The following NXN variants were observed in gnomAD, a reference collection of about 807,000 sequenced individuals.
The protein encoded by NXN is nucleoredoxin, also known as nucleoredoxin 1.
In NXN, 16 loss-of-function variants were observed where a neutral mutation model predicts 48.6. The observed-to-expected ratio is 0.33, with a 90% CI of 0.22 to 0.50. The LOEUF is 0.50. Among genes scored for constraint, NXN ranks in the 20% least tolerant of loss-of-function variants. The pLI is 0.98. For synonymous variants in NXN, 281 were observed against 269.6 expected (o/e 1.04, Z -0.41); for missense variants, 492 against 605.5 (o/e 0.81, Z 1.97).
intron 1 of NXN, among the ~76,000 whole-genome samples, chr17:964,602 A>G (rs2069280581): frequency 6.6e-6 from 1 of 152,242 alleles, no homozygotes. Flanking sequence ...GAAGGCATTT[A>G]CTTCCAATTC....
chr17:869,685 G>A (rs762943061), intron 1 of NXN, among the ~76,000 whole-genome samples: 2 of 152,258 alleles, frequency 1.3e-5, no homozygotes, highest in African/African-American at 2.4e-5. Flanking sequence ...GCCCAGTTCT[G>A]TAAGTTCCCT....
At chr17:801,268 C>A in intron 7 of NXN, 137 bp from the exon 8 acceptor site, 1 of 569,714 alleles carries the variant, frequency 1.8e-6, no homozygotes, top group Non-Finnish European at 2.7e-6. Flanking sequence ...GGGCTCCCAG[C>A]CTGGGAAGGA....
chr17:861,705 C>T (rs898236931), intron 1 of NXN, among the ~76,000 whole-genome samples: 14 of 151,474 alleles, frequency 9.2e-5, no homozygotes, highest in African/African-American at 3.4e-4. Context: ...CTCCTACTTA[C>T]CAAATTTGGG....
At chr17:813,764 T>A (rs774573049) in intron 5 of NXN, among the ~76,000 whole-genome samples, 1 of 144,836 alleles carries the variant, frequency 6.9e-6, no homozygotes, top group East Asian at 2.1e-4. Context: ...GTCAGGAGTT[T>A]GAGACCAGCC....
At chr17:860,990 T>C (rs2068034409) in intron 1 of NXN, among the ~76,000 whole-genome samples, 1 of 151,566 alleles carries the variant, frequency 6.6e-6, no homozygotes, top group South Asian at 2.1e-4. Context: ...ATTACGGATG[T>C]TGCAAATCTG....
At chr17:914,090 G>A (rs1261616569) in intron 1 of NXN, among the ~76,000 whole-genome samples, 3 of 152,134 alleles carry the variant, frequency 2.0e-5, no homozygotes, top group Non-Finnish European at 4.4e-5. Flanking sequence ...AATAGAGACA[G>A]GGTTTCGCCA....
In NXN at chr17:895,058, C is replaced by T. The variant is rs1447621238; in HGVS notation, c.361-68980G>A. Among the ~76,000 whole-genome samples, 12 of 117,262 alleles carry T rather than the reference C, an allele frequency of 1.0e-4. No homozygotes were observed. In the East Asian group the frequency reaches 3.3e-3, roughly 32 times the overall value. 76.9% of individuals were successfully genotyped at this position (117,262 alleles called of 152,430 possible). On this transcript the variant is annotated intron_variant, in intron 1 of 7. Transcript: ENST00000336868. ...TTGAGACTAAATCTCACTCCGTCGC[C>T]CAGGCTGGAGTGCAGTGGCACCATC...
intron 1 of NXN, among the ~76,000 whole-genome samples, chr17:953,673 G>C (rs1031413802): frequency 2.0e-5 from 3 of 152,188 alleles, no homozygotes; most frequent in African/African-American, 7.2e-5. Context: ...AAGGAGTCCA[G>C]AGTGAGACAG....
intron 1 of NXN, among the ~76,000 whole-genome samples, chr17:951,029 T>G (rs1353586069): frequency 6.6e-6 from 1 of 151,954 alleles, no homozygotes; most frequent in Non-Finnish European, 1.5e-5. Flanking sequence ...AGAACCCTAG[T>G]ACTCCGCATT....
rs1238202896 is a variant in NXN, at chr17:830,309, G to A, written c.361-4231C>T. On this transcript the variant is annotated intron_variant, in intron 1 of 7. Coordinates refer to ENST00000336868, the MANE Select transcript of NXN (RefSeq NM_022463.5). This position sits in a 1 kb window ranked among gnomAD's most constrained non-coding sequence, Gnocchi z 4.2. ...CCTCGTGGGGCTCCTCCTCCAGTGG[G>A]AGAGGCAGACAATAAACAAGAATAT... Among the ~76,000 whole-genome samples the A allele has an allele frequency of 6.6e-6, 1 of 152,198 alleles. No individual in the cohort carries two copies. Among genetic ancestry groups the A allele is most frequent in the Admixed American group, 6.5e-5 (1 of 15,276 alleles).
intron 1 of NXN, among the ~76,000 whole-genome samples, chr17:837,735 G>A (rs1000660189): frequency 2.0e-5 from 3 of 152,164 alleles, no homozygotes; most frequent in African/African-American, 4.8e-5. Context: ...TTCTGCCTTC[G>A]CCTGGAGCTG....
chr17:850,227 A>C (rs536610849), intron 1 of NXN, among the ~76,000 whole-genome samples: 3 of 152,272 alleles, frequency 2.0e-5, no homozygotes, highest in African/African-American at 4.8e-5. Flanking sequence ...TTTCTCACGG[A>C]TCATTCTTCT....
At chr17:921,401 G>A (rs1355566324) in intron 1 of NXN, among the ~76,000 whole-genome samples, 3 of 152,012 alleles carry the variant, frequency 2.0e-5, no homozygotes, top group Admixed American at 6.6e-5. Flanking sequence ...ATCTTGTTCC[G>A]GTCCACGGCG....
rs180796723 is a variant in NXN, at chr17:868,558, C to T, written c.361-42480G>A. On this transcript the variant is annotated intron_variant, in intron 1 of 7. Coordinates refer to ENST00000336868, the MANE Select transcript of NXN (RefSeq NM_022463.5). ...CCAGGCTGGAGTGCAGTGATGCGAT[C>T]TCTGCTTACTGCAACCTCCGCCTCC... Among the ~76,000 whole-genome samples, 261 of 152,110 alleles carry T rather than the reference C, an allele frequency of 1.7e-3. 2 individuals carry two copies. The highest frequency in any genetic ancestry group is 6.1e-3 in the African/African-American group (252 of 41,492).
At chr17:855,979 G>C (rs1483951497) in intron 1 of NXN, among the ~76,000 whole-genome samples, 2 of 152,110 alleles carry the variant, frequency 1.3e-5, no homozygotes, top group African/African-American at 4.8e-5. Flanking sequence ...CAGATCACGA[G>C]GTCAGGAGAT....
At chr17:805,943 T>C (rs1567808064) in intron 5 of NXN, among the ~76,000 whole-genome samples, 1 of 152,090 alleles carries the variant, frequency 6.6e-6, no homozygotes, top group Non-Finnish European at 1.5e-5. Flanking sequence ...CCCCAGCTGC[T>C]GGGGGTCAAA....
Position 825,903 on chromosome 17 carries a change from G to A in NXN, c.478+58C>T. On this transcript the variant is annotated intron_variant, in intron 2 of 7. Transcript: ENST00000336868. This position sits in a 1 kb window ranked among gnomAD's most constrained non-coding sequence, Gnocchi z 4.1. ...CGGTGGGACGGAGATTAGCCTAAGG[G>A]CATGGAGGAGGGAGGGCTGGGTAAT... 1 of 1,088,290 alleles carries A rather than the reference G, an allele frequency of 9.2e-7. No individual in the cohort carries two copies. The highest frequency in any genetic ancestry group is 2.4e-5 in the East Asian group (1 of 42,524). The allele number at this position is 1,088,290 out of a possible 1,614,324, so 67.4% of individuals were successfully genotyped here. A position where few individuals can be genotyped will look rare whatever the true frequency, so the allele number is the denominator to read the frequency against.
chr17:841,417 CG>C (rs1914200407), intron 1 of NXN, among the ~76,000 whole-genome samples: 1 of 120,312 alleles, frequency 8.3e-6, no homozygotes, highest in Admixed American at 8.8e-5. Context: ...CCCCTGACCA[CG>C]GCGCATCTCA....
intron 1 of NXN, among the ~76,000 whole-genome samples, chr17:936,392 A>G (rs1245697693): frequency 6.6e-6 from 1 of 152,028 alleles, no homozygotes; most frequent in Non-Finnish European, 1.5e-5. Flanking sequence ...GTCCACGGTG[A>G]GGTGGTGAGT....
Sources: allele counts gnomAD v4.1 joint callset (sites outside exome capture counted in the v4.1 genomes callset), GRCh38; gene constraint gnomAD v4.1.1; non-coding constraint Gnocchi (gnomAD v3.1); transcripts MANE v1.5; gene names NCBI Gene and HGNC (gene_info 2026-07-23, HGNC 2026-07-21).